Variants in PDZD8 observed in about 807,000 individuals in gnomAD.
PDZD8 encodes PDZ domain-containing protein 8.
PDZD8 carries 14 observed loss-of-function variants against 85.8 expected under a neutral mutation model. That is an observed-to-expected ratio of 0.16 (90% CI 0.11 to 0.26). The LOEUF (loss-of-function observed/expected upper bound fraction) is 0.26, where lower values mean the gene tolerates loss of function less well. Among genes scored for constraint, PDZD8 ranks in the 10% least tolerant of loss-of-function variants. The probability of loss-of-function intolerance (pLI) is 1.00; values close to 1 mark genes in which losing one functional copy is unlikely to be tolerated. For synonymous variants in PDZD8, 592 were observed against 568.6 expected (o/e 1.04, Z -0.59); for missense variants, 1,197 against 1,424.3 (o/e 0.84, Z 2.57).
intron 1 of PDZD8, among the ~76,000 whole-genome samples, chr10:117,367,804 C>G (rs1365809501): frequency 6.6e-6 from 1 of 151,602 alleles, no homozygotes; most frequent in African/African-American, 2.4e-5. Flanking sequence ...CATTGTGGCA[C>G]ACGCCTGTGG....
rs182102883 is a variant in PDZD8, at chr10:117,373,072, G to A, written c.872+1284C>T. On this transcript the variant is annotated intron_variant, in intron 1 of 4. Transcript: ENST00000334464. Reference sequence around the variant, plus strand: ...ATGTCTTAGTGAATACAAAATTAAAGGAGGACCGAAAGAGAAGTTAAAAAT... The same window carrying A: ...ATGTCTTAGTGAATACAAAATTAAAAGAGGACCGAAAGAGAAGTTAAAAAT... 5.0e-4 allele frequency among the ~76,000 whole-genome samples: 76 copies of A among 152,220 alleles called. No individual in the cohort carries two copies. The East Asian group carries it at 0.014, about 27-fold the overall frequency.
chr10:117,302,077 T>C (rs1564692228), intron 3 of PDZD8, among the ~76,000 whole-genome samples: 12 of 152,146 alleles, frequency 7.9e-5, no homozygotes. Context: ...AGAAAACACA[T>C]GAAAAGAAAC....
chr10:117,284,302 T>C lies in PDZD8; in HGVS notation c.2431A>G (p.Lys811Glu), dbSNP rs1844618511. 1 of 1,613,774 alleles carries C rather than the reference T, an allele frequency of 6.2e-7. No homozygotes were observed. Among genetic ancestry groups the C allele is most frequent in the Admixed American group, 1.7e-5 (1 of 59,938 alleles). Reference protein sequence around the residue: ...SDHHVVTNVEKEKEPHLVEEV... With the variant: ...SDHHVVTNVEEEKEPHLVEEV... Reference sequence around the variant, plus strand: ...TCAACCAAATGGGGTTCTTTTTCTTTTTCTACGTTAGTAACTACATGGTGG... The same window carrying C: ...TCAACCAAATGGGGTTCTTTTTCTTCTTCTACGTTAGTAACTACATGGTGG... The change falls in exon 5 of 5, where the codon AAA (lysine) becomes GAA (glutamate). Residue 811 changes from lysine to glutamate, a missense_variant. Coordinates refer to ENST00000334464, the MANE Select transcript of PDZD8 (RefSeq NM_173791.5).
intron 2 of PDZD8, among the ~76,000 whole-genome samples, chr10:117,338,321 T>G (rs1455119688): frequency 6.6e-6 from 1 of 152,240 alleles, no homozygotes; most frequent in Non-Finnish European, 1.5e-5. Context: ...ATGCTTGGAT[T>G]TGTAAAAATG....
At chr10:117,371,079 T>A (rs1845181475) in intron 1 of PDZD8, among the ~76,000 whole-genome samples, 1 of 152,188 alleles carries the variant, frequency 6.6e-6, no homozygotes, top group Non-Finnish European at 1.5e-5. Context: ...CACTAGCTAG[T>A]TTAATTTTCC....
intron 1 of PDZD8, among the ~76,000 whole-genome samples, chr10:117,368,954 C>A (rs1845139677): frequency 7.1e-6 from 1 of 141,306 alleles, no homozygotes; most frequent in Admixed American, 7.6e-5. Context: ...CTCCTGGGTT[C>A]AAGCAATTCT....
chr10:117,296,495 G>A (rs1490476227), intron 3 of PDZD8, among the ~76,000 whole-genome samples: 1 of 152,040 alleles, frequency 6.6e-6, no homozygotes, highest in Non-Finnish European at 1.5e-5. Flanking sequence ...AGAAGAAATG[G>A]ACCAAGAACA....
intron 4 of PDZD8, among the ~76,000 whole-genome samples, chr10:117,285,956 G>A (rs1319004743): frequency 6.6e-6 from 1 of 152,160 alleles, no homozygotes; most frequent in Non-Finnish European, 1.5e-5. Context: ...AGAGAGCAGT[G>A]CTTGAAAATA....
At chr10:117,366,338 T>C (rs1845089404) in intron 1 of PDZD8, among the ~76,000 whole-genome samples, 1 of 152,192 alleles carries the variant, frequency 6.6e-6, no homozygotes, top group Non-Finnish European at 1.5e-5. Context: ...AAAATTTGTT[T>C]TCTGCAGAAA....
chr10:117,331,885 A>G (rs189932143), intron 2 of PDZD8, among the ~76,000 whole-genome samples: 16 of 152,290 alleles, frequency 1.1e-4, no homozygotes, highest in Admixed American at 8.5e-4. Flanking sequence ...GAGAGCCTAC[A>G]TAAATACAGG....
chr10:117,339,757 C>A (rs997552679), intron 2 of PDZD8, among the ~76,000 whole-genome samples: 1 of 152,152 alleles, frequency 6.6e-6, no homozygotes, highest in African/African-American at 2.4e-5. Context: ...CTAAAATGTA[C>A]TATCTGGCCC....
intron 3 of PDZD8, among the ~76,000 whole-genome samples, chr10:117,304,405 AGGC>A (rs1843897363): frequency 6.6e-6 from 1 of 152,152 alleles, no homozygotes; most frequent in South Asian, 2.1e-4. Flanking sequence ...ACAGGCTCAT[AGGC>A]GGAAGGGACT....
At chr10:117,319,014 T>C in intron 2 of PDZD8, 40 bp from the exon 3 acceptor site, 1 of 1,322,174 alleles carries the variant, frequency 7.6e-7, no homozygotes, top group Non-Finnish European at 1.1e-6. Context: ...ATCATACCTG[T>C]TATATTCATT....
intron 4 of PDZD8, among the ~76,000 whole-genome samples, chr10:117,288,392 A>G (rs1844703042): frequency 6.6e-6 from 1 of 151,976 alleles, no homozygotes; most frequent in African/African-American, 2.4e-5. Context: ...ACAGAAAAAA[A>G]CAAACAAACA....
At chr10:117,348,975 T>A (rs2133859758) in intron 1 of PDZD8, among the ~76,000 whole-genome samples, 1 of 152,302 alleles carries the variant, frequency 6.6e-6, no homozygotes, top group Admixed American at 6.5e-5. Context: ...CACAATAACA[T>A]GGTATGGCAA....
intron 1 of PDZD8, among the ~76,000 whole-genome samples, chr10:117,344,903 C>A (rs770809911): frequency 3.9e-5 from 6 of 152,168 alleles, no homozygotes; most frequent in Non-Finnish European, 7.3e-5. Context: ...GGGCACAGAA[C>A]ACTGAGAATA....
chr10:117,289,076 G>A (rs1844714902), intron 4 of PDZD8, among the ~76,000 whole-genome samples: 1 of 152,104 alleles, frequency 6.6e-6, no homozygotes, highest in South Asian at 2.1e-4. Flanking sequence ...TCATTTGGGA[G>A]GAGTCTGTGA....
chr10:117,330,339 A>C (rs1387338784), intron 2 of PDZD8, among the ~76,000 whole-genome samples: 1 of 152,160 alleles, frequency 6.6e-6, no homozygotes, highest in East Asian at 1.9e-4. Context: ...CTACAGGGAA[A>C]TCTAACCATG....
At chr10:117,306,144 A>G (rs945928397) in intron 3 of PDZD8, among the ~76,000 whole-genome samples, 2 of 152,204 alleles carry the variant, frequency 1.3e-5, no homozygotes, top group Admixed American at 6.5e-5. Context: ...CCATTTGATA[A>G]CTTGGTTTCT....
Sources: gnomAD v4.1 joint callset for allele counts (sites outside exome capture counted in the v4.1 genomes callset) on GRCh38, gnomAD v4.1.1 for gene constraint, MANE v1.5 for transcripts, NCBI Gene and HGNC (gene_info 2026-07-23, HGNC 2026-07-21) for gene names.